The following ZNF473 variants were observed in gnomAD, a reference collection of about 807,000 sequenced individuals.
ZNF473 encodes the protein zinc finger protein 473, also known as zinc finger protein 100 homolog.
ZNF473 carries 4 observed loss-of-function variants against 11.1 expected under a neutral mutation model. That is an observed-to-expected ratio of 0.36 (90% CI 0.18 to 0.82). The LOEUF (loss-of-function observed/expected upper bound fraction) is 0.82, where lower values mean the gene tolerates loss of function less well. ZNF473 is among the 40% of genes least tolerant of loss of function. The pLI, the probability that ZNF473 is intolerant of heterozygous loss-of-function variation, is 0.49. For missense variants in ZNF473, 854 were observed against 1,084.0 expected (o/e 0.79, Z 2.98); for synonymous variants, 404 against 390.4 (o/e 1.03, Z -0.41).
At position 50,031,109 on chromosome 19, in the gene ZNF473, C is replaced by G; in HGVS notation, c.9+18C>G. On this transcript the variant is annotated intron_variant, in intron 2 of 4. Coordinates refer to ENST00000270617, the MANE Select transcript of ZNF473 (RefSeq NM_015428.4). ...TGGCTGAGGTGAGTTGAAGGTCGCT[C>G]TGTCCTAATCGGTCACACCCAAAGG... The G allele has an allele frequency of 6.4e-7, 1 of 1,564,260 alleles. No individual in the cohort carries two copies.
intron 2 of ZNF473, among the ~76,000 whole-genome samples, chr19:50,037,822 C>T (rs952002729): frequency 6.7e-6 from 1 of 149,682 alleles, no homozygotes; most frequent in Non-Finnish European, 1.5e-5. Flanking sequence ...CTCTCTCGCT[C>T]GCTCTCTCTC....
chr19:50,036,150 G>A (rs1459427680), intron 2 of ZNF473, among the ~76,000 whole-genome samples: 1 of 151,306 alleles, frequency 6.6e-6, no homozygotes. Flanking sequence ...GTAGAGATGG[G>A]GGTTTTACCA....
intron 1 of ZNF473, among the ~76,000 whole-genome samples, chr19:50,026,885 T>C (rs2077285266): frequency 6.6e-6 from 1 of 152,070 alleles, no homozygotes; most frequent in Non-Finnish European, 1.5e-5. Flanking sequence ...TTGGTTTTGG[T>C]TGGGGAAGGA....
rs1168969051 is a variant in ZNF473, at chr19:50,047,346, C to T, written c.*287C>T. On this transcript the variant is annotated 3_prime_UTR_variant, in exon 5 of 5. Coordinates refer to ENST00000270617, the MANE Select transcript of ZNF473 (RefSeq NM_015428.4). ...AGGTCAGAAAAATCTCTCAGGGCCT[C>T]GGTGTCCTTATCTGTAAAATGGGCA... The T allele has an allele frequency of 8.6e-6, 3 of 349,888 alleles. No individual in the cohort carries two copies. The highest frequency in any genetic ancestry group is 3.8e-5 in the South Asian group (1 of 26,606). The allele number at this position is 349,888 out of a possible 1,614,324, so 21.7% of individuals were successfully genotyped here. A position where few individuals can be genotyped will look rare whatever the true frequency, so the allele number is the denominator to read the frequency against.
intron 4 of ZNF473, among the ~76,000 whole-genome samples, chr19:50,043,832 C>T (rs984508331): frequency 2.7e-5 from 4 of 150,936 alleles, no homozygotes; most frequent in African/African-American, 9.9e-5. Flanking sequence ...GTCAGGGAAG[C>T]CTTTCAGAGA....
At chr19:50,041,614 A>T in intron 3 of ZNF473, 116 bp from the exon 4 acceptor site, 1 of 856,362 alleles carries the variant, frequency 1.2e-6, no homozygotes. Flanking sequence ...GTCCACACAC[A>T]GGAGCCACGT....
chr19:50,041,171 C>T (rs1978748303), intron 3 of ZNF473: 1 of 152,322 alleles, frequency 6.6e-6, no homozygotes, highest in Non-Finnish European at 1.5e-5. Context: ...CCGTTGCCAG[C>T]TTCTGGAGGT....
intron 4 of ZNF473, 99 bp downstream of exon 4, chr19:50,041,918 A>G: frequency 1.1e-6 from 1 of 943,594 alleles, no homozygotes. Flanking sequence ...GAGACATTAC[A>G]ACGCTCAGCT....
chr19:50,035,558 C>T (rs1978379465), intron 2 of ZNF473, among the ~76,000 whole-genome samples: 1 of 151,710 alleles, frequency 6.6e-6, no homozygotes, highest in Non-Finnish European at 1.5e-5. Context: ...CAGGTTAAAT[C>T]TCATAAGGAC....
rs1364746376 is a variant in ZNF473, at chr19:50,047,020, C to G, written c.2577C>G (p.Arg859=). The change falls in exon 5 of 5, where the codon CGC becomes CGG. Residue 859 remains arginine, a synonymous_variant. Transcript: ENST00000270617. ...KAFRCHSSLS[R]HQRVHNKQQY... ...TTCGGTGCCACTCGAGCCTCAGCCGCCATCAGCGTGTACACAACAAGCAGC... is the reference window on the plus strand; with the variant it reads ...TTCGGTGCCACTCGAGCCTCAGCCGGCATCAGCGTGTACACAACAAGCAGC... 1.9e-6 allele frequency: 3 copies of G among 1,613,776 alleles called. No individual in the cohort carries two copies. Among genetic ancestry groups the G allele is most frequent in the Non-Finnish European group, 2.5e-6 (3 of 1,180,034 alleles).
chr19:50,028,992 T>A lies in ZNF473; in HGVS notation c.-191-1900T>A, dbSNP rs145324591. 9.8e-5 allele frequency among the ~76,000 whole-genome samples: 15 copies of A among 152,352 alleles called. No homozygotes were observed. In the East Asian group the frequency reaches 2.9e-3, roughly 29 times the overall value. ...CAAATTTTTTTTCATAAATTTAGTG[T>A]CCGTGCCTTACCTGAACTACTACAG... On this transcript the variant is annotated intron_variant, in intron 1 of 4. Coordinates refer to ENST00000270617, the MANE Select transcript of ZNF473 (RefSeq NM_015428.4).
At position 50,047,089 on chromosome 19, in the gene ZNF473, T is replaced by G. The variant is rs1217256532; in HGVS notation, c.*30T>G. ...TGGGTGGCAGCAGAGTCCCAGAATA[T>G]GAGACCGTTACTCGGATGTTGAAAG... On this transcript the variant is annotated 3_prime_UTR_variant, in exon 5 of 5. Coordinates refer to ENST00000270617, the MANE Select transcript of ZNF473 (RefSeq NM_015428.4). 2 of 1,560,468 alleles carry G rather than the reference T, an allele frequency of 1.3e-6. No individual in the cohort carries two copies. The highest frequency in any genetic ancestry group is 1.7e-5 in the Admixed American group (1 of 57,204).
chr19:50,033,260 G>T (rs1313225676), intron 2 of ZNF473, among the ~76,000 whole-genome samples: 1 of 152,102 alleles, frequency 6.6e-6, no homozygotes, highest in Non-Finnish European at 1.5e-5. Flanking sequence ...GAGAACTGAG[G>T]GACACAATCT....
intron 1 of ZNF473, among the ~76,000 whole-genome samples, chr19:50,029,035 A>G (rs2077302680): frequency 6.6e-6 from 1 of 152,252 alleles, no homozygotes; most frequent in African/African-American, 2.4e-5. Flanking sequence ...TTTAAATATA[A>G]CTTTAAATTA....
chr19:50,041,896 C>A, intron 4 of ZNF473, 77 bp downstream of exon 4: 1 of 1,200,438 alleles, frequency 8.3e-7, no homozygotes, highest in Non-Finnish European at 1.2e-6. Flanking sequence ...CCAGCTTTCC[C>A]ACAGGTCTAC....
At chr19:50,033,952 G>A (rs971454480) in intron 2 of ZNF473, among the ~76,000 whole-genome samples, 10 of 152,186 alleles carry the variant, frequency 6.6e-5, no homozygotes, top group Non-Finnish European at 8.8e-5. Context: ...AGTCCCTTTC[G>A]CCATGTAAGA....
At position 50,047,144 on chromosome 19, in the gene ZNF473, C is replaced by A; in HGVS notation, c.*85C>A. On this transcript the variant is annotated 3_prime_UTR_variant, in exon 5 of 5. Coordinates refer to ENST00000270617, the MANE Select transcript of ZNF473 (RefSeq NM_015428.4). ...AAACTATCCCATTGCAAGTTTCTCT[C>A]CAAATAAATGCATCTAAAGATTGAT... The A allele has an allele frequency of 8.9e-7, 1 of 1,119,698 alleles. No individual in the cohort carries two copies. Among genetic ancestry groups the A allele is most frequent in the Non-Finnish European group, 1.3e-6 (1 of 794,488 alleles). The allele number at this position is 1,119,698 out of a possible 1,614,324, so 69.4% of individuals were successfully genotyped here. A position where few individuals can be genotyped will look rare whatever the true frequency, so the allele number is the denominator to read the frequency against.
chr19:50,030,102 C>G lies in ZNF473; in HGVS notation c.-191-790C>G, dbSNP rs553355477. Among the ~76,000 whole-genome samples, 4 of 152,204 alleles carry G rather than the reference C, an allele frequency of 2.6e-5. No individual in the cohort carries two copies. In the South Asian group the frequency reaches 8.3e-4, roughly 32 times the overall value. On this transcript the variant is annotated intron_variant, in intron 1 of 4. Coordinates refer to ENST00000270617, the MANE Select transcript of ZNF473 (RefSeq NM_015428.4). Reference sequence around the variant, plus strand: ...CTGACCTCAAGTAATCTGCCCACCTCGGCCTCCCAAAGTACTGAGATTACA... The same window carrying G: ...CTGACCTCAAGTAATCTGCCCACCTGGGCCTCCCAAAGTACTGAGATTACA...
rs1311722501 is a variant in ZNF473, at chr19:50,039,483, G to A, written c.136+196G>A. ...TTTGATTGTTACTCCTTGGGCCAGC[G>A]CAGCGTGCCGCTAGCATCTAGCTGG... On this transcript the variant is annotated intron_variant, in intron 3 of 4. Coordinates refer to ENST00000270617, the MANE Select transcript of ZNF473 (RefSeq NM_015428.4). The surrounding 1 kb of genome is among the most constrained non-coding windows in gnomAD (Gnocchi z 4.8). 2.2e-5 allele frequency among the ~76,000 whole-genome samples: 3 copies of A among 137,648 alleles called. No individual in the cohort carries two copies. The highest frequency in any genetic ancestry group is 3.6e-5 in the African/African-American group (1 of 27,660). 90.3% of individuals were successfully genotyped at this position (137,648 alleles called of 152,430 possible).
Sources: allele counts gnomAD v4.1 joint callset (sites outside exome capture counted in the v4.1 genomes callset), GRCh38; gene constraint gnomAD v4.1.1; non-coding constraint Gnocchi (gnomAD v3.1); transcripts MANE v1.5; gene names NCBI Gene and HGNC (gene_info 2026-07-23, HGNC 2026-07-21).